PDIA5: variants seen among roughly 807,000 people sequenced by gnomAD.
PDIA5 encodes the protein protein disulfide isomerase family A member 5.
In PDIA5, 58 loss-of-function variants were observed where a neutral mutation model predicts 77.6. The observed-to-expected ratio is 0.75, with a 90% confidence interval of 0.61 to 0.93. The LOEUF (loss-of-function observed/expected upper bound fraction) is 0.93, where lower values mean the gene tolerates loss of function less well. Ranked by LOEUF, PDIA5 falls within the 40% of genes least tolerant of loss-of-function variation. The probability of loss-of-function intolerance (pLI) is 0.00; values close to 1 mark genes in which losing one functional copy is unlikely to be tolerated. For synonymous variants in PDIA5, 250 were observed against 252.1 expected, an observed-to-expected ratio of 0.99 and a Z score of 0.08; for missense variants, 630 against 647.7, an observed-to-expected ratio of 0.97 and a Z score of 0.30.
chr3:123,112,816 T>A (rs961396429), intron 7 of PDIA5, among the ~76,000 whole-genome samples: 1 of 152,050 alleles, frequency 6.6e-6, no homozygotes, highest in East Asian at 1.9e-4. Flanking sequence ...CACCTCGGCC[T>A]CCCAAAGTGC....
At chr3:123,097,401 C>A (rs1233599184) in intron 3 of PDIA5, among the ~76,000 whole-genome samples, 1 of 152,074 alleles carries the variant, frequency 6.6e-6, no homozygotes, top group Non-Finnish European at 1.5e-5. Context: ...CTCTCTTTTT[C>A]CCGCCACTCT....
chr3:123,131,236 C>T (rs1313365312), intron 11 of PDIA5, among the ~76,000 whole-genome samples: 1 of 152,090 alleles, frequency 6.6e-6, no homozygotes, highest in African/African-American at 2.4e-5. Context: ...TGCCACTGCA[C>T]TCCAGCCTGA....
At chr3:123,079,252 C>T (rs2107908911) in intron 1 of PDIA5, among the ~76,000 whole-genome samples, 1 of 141,338 alleles carries the variant, frequency 7.1e-6, no homozygotes, top group African/African-American at 2.7e-5. Flanking sequence ...GCGATCTCGG[C>T]TCACTGCAAG....
chr3:123,147,474 T>C (rs1357205510), intron 13 of PDIA5, among the ~76,000 whole-genome samples: 1 of 152,178 alleles, frequency 6.6e-6, no homozygotes, highest in African/African-American at 2.4e-5. Flanking sequence ...GGTGTTTATT[T>C]AAAGCATAGA....
chr3:123,075,332 G>T (rs1219055484), intron 1 of PDIA5, among the ~76,000 whole-genome samples: 1 of 152,156 alleles, frequency 6.6e-6, no homozygotes, highest in South Asian at 2.1e-4. Context: ...AAGTTGGCTG[G>T]GGGACCATAT....
chr3:123,119,946 C>A (rs1457853430), intron 8 of PDIA5, among the ~76,000 whole-genome samples: 1 of 152,158 alleles, frequency 6.6e-6, no homozygotes, highest in Non-Finnish European at 1.5e-5. Flanking sequence ...GGATGCACAG[C>A]CTTTGCCATT....
At chr3:123,128,907 C>T (rs1195936693) in intron 10 of PDIA5, among the ~76,000 whole-genome samples, 1 of 152,172 alleles carries the variant, frequency 6.6e-6, no homozygotes, top group East Asian at 1.9e-4. Context: ...TATCTCCCCC[C>T]TTTTAATGCA....
At chr3:123,143,377 A>T (rs1414872595) in intron 11 of PDIA5, among the ~76,000 whole-genome samples, 2 of 117,428 alleles carry the variant, frequency 1.7e-5, no homozygotes, top group Non-Finnish European at 3.4e-5. Context: ...ACAGAGCGAG[A>T]CTCCATCTCA....
intron 1 of PDIA5, among the ~76,000 whole-genome samples, chr3:123,084,752 C>T (rs868193908): frequency 5.8e-4 from 88 of 152,230 alleles, no homozygotes; most frequent in African/African-American, 2.0e-3. Flanking sequence ...CTTTCTTCCT[C>T]ACTTACCTAT....
In PDIA5 at chr3:123,162,046, AT is replaced by A; in HGVS notation, c.*92del. 1.2e-6 allele frequency: 1 copy of A among 809,766 alleles called. No homozygotes were observed. Among genetic ancestry groups the A allele is most frequent in the Non-Finnish European group, 2.1e-6 (1 of 477,192 alleles). The allele number at this position is 809,766 out of a possible 1,614,324, so 50.2% of individuals were successfully genotyped here. On this transcript the variant is annotated 3_prime_UTR_variant, in exon 17 of 17. Coordinates refer to ENST00000316218, the MANE Select transcript of PDIA5 (RefSeq NM_006810.4). Reference sequence around the variant, plus strand: ...GAATTTCCACATGTTCTGAAGACAAATTTTTTATAGCCGCTTATGGCCATTT... The same window carrying A: ...GAATTTCCACATGTTCTGAAGACAAATTTTTATAGCCGCTTATGGCCATTT...
intron 5 of PDIA5, among the ~76,000 whole-genome samples, chr3:123,103,482 C>T (rs1279105597): frequency 6.6e-6 from 1 of 152,176 alleles, no homozygotes; most frequent in Non-Finnish European, 1.5e-5. Flanking sequence ...GAACTCACTT[C>T]CTAACCCTCC....
intron 7 of PDIA5, among the ~76,000 whole-genome samples, chr3:123,114,366 AC>A (rs11429345): frequency 6.6e-6 from 1 of 151,326 alleles, no homozygotes; most frequent in Non-Finnish European, 1.5e-5. Context: ...ACTGGGAAGC[AC>A]CCCCCCAAAT....
At chr3:123,070,813 C>T (rs989061560) in intron 1 of PDIA5, among the ~76,000 whole-genome samples, 26 of 152,154 alleles carry the variant, frequency 1.7e-4, no homozygotes, top group South Asian at 1.7e-3. Context: ...GGAGAAACGT[C>T]GAGCTGGAGT....
intron 1 of PDIA5, among the ~76,000 whole-genome samples, chr3:123,074,199 G>A (rs1933792381): frequency 2.0e-5 from 3 of 152,192 alleles, no homozygotes; most frequent in African/African-American, 4.8e-5. Flanking sequence ...TATGAGCCAG[G>A]CCTCATGCTA....
At chr3:123,132,027 C>A (rs1236330244) in intron 11 of PDIA5, among the ~76,000 whole-genome samples, 1 of 152,180 alleles carries the variant, frequency 6.6e-6, no homozygotes, top group African/African-American at 2.4e-5. Flanking sequence ...TCATAGGGTC[C>A]TCATGCCAAC....
At chr3:123,076,442 A>G (rs1431867859) in intron 1 of PDIA5, among the ~76,000 whole-genome samples, 1 of 152,182 alleles carries the variant, frequency 6.6e-6, no homozygotes, top group Non-Finnish European at 1.5e-5. Flanking sequence ...CACTGAATGC[A>G]TAGTGTTGCT....
intron 1 of PDIA5, among the ~76,000 whole-genome samples, chr3:123,073,431 C>G (rs902235861): frequency 6.6e-6 from 1 of 152,190 alleles, no homozygotes; most frequent in African/African-American, 2.4e-5. Flanking sequence ...TGCTTTTCAG[C>G]TGCTCCCTGG....
chr3:123,141,122 C>T (rs1490303856), intron 11 of PDIA5, among the ~76,000 whole-genome samples: 1 of 152,210 alleles, frequency 6.6e-6, no homozygotes, highest in African/African-American at 2.4e-5. Context: ...CCTGCCACAT[C>T]AACAGGGTCA....
At chr3:123,092,195 G>A (rs836863) in intron 2 of PDIA5, among the ~76,000 whole-genome samples, 160 bp from the exon 3 acceptor site, 59 of 152,280 alleles carry the variant, frequency 3.9e-4, no homozygotes, top group African/African-American at 1.4e-3. Context: ...CACAGGCCCT[G>A]GCACTGTTGA....
Sources: gnomAD v4.1 joint callset for allele counts (sites outside exome capture counted in the v4.1 genomes callset) on GRCh38, gnomAD v4.1.1 for gene constraint, MANE v1.5 for transcripts, NCBI Gene and HGNC (gene_info 2026-07-23, HGNC 2026-07-21) for gene names.